Variants in USP16 observed in about 807,000 individuals in gnomAD.
The protein encoded by USP16 is ubiquitin specific peptidase 16, also known as ubiquitin carboxyl-terminal hydrolase 16.
Under a neutral mutation model 95.9 loss-of-function variants are expected in USP16, and 77 were observed. That is an observed-to-expected ratio of 0.80 (90% confidence interval 0.67 to 0.97). The LOEUF is 0.97. Among genes scored for constraint, USP16 ranks in the 50% least tolerant of loss-of-function variants. The probability of loss-of-function intolerance (pLI) is 0.00; values close to 1 mark genes in which losing one functional copy is unlikely to be tolerated. For synonymous variants in USP16, 303 were observed against 318.2 expected, an observed-to-expected ratio of 0.95 and a Z score of 0.51; for missense variants, 943 against 959.9, an observed-to-expected ratio of 0.98 and a Z score of 0.23.
intron 4 of USP16, among the ~76,000 whole-genome samples, 173 bp downstream of exon 4, chr21:29,035,113 C>T (rs115612236): frequency 0.015 from 2,251 of 152,258 alleles, 60 homozygotes; most frequent in African/African-American, 0.052. Flanking sequence ...TTTACTTGGA[C>T]GTTTGCACAA....
chr21:29,027,471 G>A (rs2085009442), intron 1 of USP16, among the ~76,000 whole-genome samples: 1 of 152,214 alleles, frequency 6.6e-6, no homozygotes. Flanking sequence ...AGACTGCAGA[G>A]CTAAGAAAGG....
intron 1 of USP16, among the ~76,000 whole-genome samples, chr21:29,025,928 C>T (rs1054315973): frequency 1.3e-5 from 2 of 152,088 alleles, no homozygotes; most frequent in Non-Finnish European, 2.9e-5. Context: ...ATAACATAAA[C>T]CCAGATTAAA....
chr21:29,045,043 G>A (rs1295557839), intron 13 of USP16, among the ~76,000 whole-genome samples: 1 of 151,980 alleles, frequency 6.6e-6, no homozygotes, highest in Non-Finnish European at 1.5e-5. Flanking sequence ...TATGTTAGAT[G>A]GAAAATATTA....
At chr21:29,050,370 C>T (rs1356389536) in intron 16 of USP16, among the ~76,000 whole-genome samples, 192 bp downstream of exon 16, 1 of 152,108 alleles carries the variant, frequency 6.6e-6, no homozygotes, top group Non-Finnish European at 1.5e-5. Flanking sequence ...TTCAGTTCAA[C>T]GTTTGGAATC....
chr21:29,032,323 C>T (rs984734415), intron 3 of USP16, among the ~76,000 whole-genome samples: 1 of 152,124 alleles, frequency 6.6e-6, no homozygotes, highest in African/African-American at 2.4e-5. Context: ...CCTTCACCTC[C>T]CAGGCTCAAG....
rs1392090081 is a variant in USP16 at position 29,046,012 on chromosome 21, T to TG, written c.1357-652dup. 7.2e-5 allele frequency among the ~76,000 whole-genome samples: 11 copies of TG among 152,260 alleles called. No individual in the cohort carries two copies. In the East Asian group the frequency reaches 2.1e-3, roughly 29 times the overall value. On this transcript the variant is annotated intron_variant, in intron 13 of 17. Coordinates refer to ENST00000399976, the MANE Select transcript of USP16 (RefSeq NM_006447.3). Reference sequence around the variant, plus strand: ...CTAATTTTTGTATTTTTAGTAGAGATGGGTTTTCACCATGTTGGCCAGGCT... The same window carrying TG: ...CTAATTTTTGTATTTTTAGTAGAGATGGGGTTTTCACCATGTTGGCCAGGCT...
chr21:29,042,332 A>C, intron 11 of USP16, 140 bp from the exon 12 acceptor site: 1 of 934,910 alleles, frequency 1.1e-6, no homozygotes, highest in Non-Finnish European at 1.6e-6. Context: ...ATGTTGTGTA[A>C]TTTTTCATTT....
rs1269968587 is a variant in USP16 at position 29,043,507 on chromosome 21, G to A, written c.1264G>A (p.Asp422Asn). ...DQDSEEEKDN[D>N]SYIKERSDIP... ...AGATAGTGAGGAAGAAAAAGATAAC[G>A]ACAGTTACATAAAAGAGAGAAGTGA... Residue 422 changes from aspartate to asparagine, a missense_variant, in exon 13 of 18, where the codon GAC becomes AAC. Coordinates refer to ENST00000399976, the MANE Select transcript of USP16 (RefSeq NM_006447.3). The A allele has an allele frequency of 5.0e-6, 8 of 1,598,418 alleles. No homozygotes were observed. In the African/African-American group the frequency reaches 5.4e-5, roughly 11 times the overall value.
chr21:29,025,624 C>G (rs531306635), intron 1 of USP16: 1 of 365,270 alleles, frequency 2.7e-6, no homozygotes, highest in South Asian at 1.1e-4. Context: ...TAAGCTGCTG[C>G]AATCCTCAAA....
At chr21:29,050,909 A>G (rs2085403894) in intron 16 of USP16, among the ~76,000 whole-genome samples, 1 of 152,212 alleles carries the variant, frequency 6.6e-6, no homozygotes, top group Non-Finnish European at 1.5e-5. Flanking sequence ...TGAAGGCTGA[A>G]TTTTAGGACG....
chr21:29,045,010 T>C (rs549735429), intron 13 of USP16, among the ~76,000 whole-genome samples: 3 of 152,350 alleles, frequency 2.0e-5, no homozygotes, highest in Non-Finnish European at 2.9e-5. Flanking sequence ...CTGTGTGTTA[T>C]CAAACTTCCA....
At chr21:29,042,601 A>G (rs2085261628) in intron 12 of USP16, 73 bp downstream of exon 12, 34 of 1,380,858 alleles carry the variant, frequency 2.5e-5, no homozygotes, top group Non-Finnish European at 3.2e-5. Context: ...AAGCCTTGTT[A>G]CTCTTTTTAA....
chr21:29,053,700 A>C (rs773244511), intron 16 of USP16, 102 bp from the exon 17 acceptor site: 33 of 1,211,132 alleles, frequency 2.7e-5, no homozygotes, highest in Non-Finnish European at 3.7e-5. Flanking sequence ...GCACTCTCAA[A>C]GTAATGGTTA....
rs1170066404 is a variant in USP16 at position 29,047,045 on chromosome 21, C to G, written c.1735C>G (p.Leu579Val). 2 of 1,613,872 alleles carry G rather than the reference C, an allele frequency of 1.2e-6. No homozygotes were observed. Among genetic ancestry groups the G allele is most frequent in the Non-Finnish European group, 1.7e-6 (2 of 1,180,002 alleles). Residue 579 changes from leucine to valine, a missense_variant, in exon 14 of 18, where the codon CTA becomes GTA. Leu to Val is a conservative substitution (Grantham distance 32). Transcript: ENST00000399976. The part of the protein sequence containing the change: ...EVDISNGFKN[L>V]NLNAALHPDE... Reference sequence around the variant, plus strand: ...GGACATTTCCAATGGTTTCAAAAACCTAAATTTGAATGCTGCTCTTCATCC... The same window carrying G: ...GGACATTTCCAATGGTTTCAAAAACGTAAATTTGAATGCTGCTCTTCATCC...
At position 29,050,186 on chromosome 21, in the gene USP16, A is replaced by T; in HGVS notation, c.2193+8A>T. 6.2e-7 allele frequency: 1 copy of T among 1,611,070 alleles called. No individual in the cohort carries two copies. The highest frequency in any genetic ancestry group is 1.1e-5 in the South Asian group (1 of 90,280). ...TGCACCCTTAAATGTAAGGTAAGTC[A>T]AAGTGGTCTTTTTCAGGAAAGTCCT... On this transcript the variant is annotated splice_region_variant and intron_variant, in intron 16 of 17. Coordinates refer to ENST00000399976, the MANE Select transcript of USP16 (RefSeq NM_006447.3).
intron 3 of USP16, among the ~76,000 whole-genome samples, chr21:29,032,901 A>C (rs28454471): frequency 0.052 from 7,882 of 152,270 alleles, 466 homozygotes; most frequent in East Asian, 0.16. Flanking sequence ...GCAGTGTATG[A>C]ATGATTCACT....
At chr21:29,041,123 G>T (rs1486337343) in intron 10 of USP16, among the ~76,000 whole-genome samples, 3 of 152,082 alleles carry the variant, frequency 2.0e-5, no homozygotes, top group Non-Finnish European at 4.4e-5. Context: ...AACTAGGCAC[G>T]TGTGGCGCCT....
Position 29,047,758 on chromosome 21 carries a change from C to G in USP16, c.2011+437C>G, listed in dbSNP as rs115835184. On this transcript the variant is annotated intron_variant, in intron 14 of 17. Transcript: ENST00000399976. The stretch of plus-strand genomic sequence containing the variant: ...GGAGAAAGGATCATACTGACAATTT[C>G]CCTTATCTCCCCATTGCTTTTTTTT... Among the ~76,000 whole-genome samples the G allele has an allele frequency of 8.8e-3, 1,335 of 152,050 alleles. 19 individuals are homozygous for G. Among genetic ancestry groups the G allele is most frequent in the African/African-American group, 0.031 (1,278 of 41,490 alleles).
At chr21:29,031,425 C>T (rs1191477204) in intron 3 of USP16, among the ~76,000 whole-genome samples, 1 of 152,168 alleles carries the variant, frequency 6.6e-6, no homozygotes, top group Non-Finnish European at 1.5e-5. Flanking sequence ...GCTTCAAGAT[C>T]AGGCAGATAG....
Sources: gnomAD v4.1 joint callset for allele counts (sites outside exome capture counted in the v4.1 genomes callset) on GRCh38, gnomAD v4.1.1 for gene constraint, MANE v1.5 for transcripts, NCBI Gene and HGNC (gene_info 2026-07-23, HGNC 2026-07-21) for gene names.